The following INTS4 variants were observed in gnomAD, a reference collection of about 807,000 sequenced individuals.
INTS4 encodes integrator complex subunit 4, also known as MSTP093.
INTS4 carries 70 observed loss-of-function variants against 119.5 expected under a neutral mutation model. The ratio of observed to expected loss-of-function variants is 0.59; its 90% CI spans 0.48 to 0.71. INTS4 has a LOEUF of 0.71. Among genes scored for constraint, INTS4 ranks in the 30% least tolerant of loss-of-function variants. INTS4 has a pLI of 0.00. For synonymous variants in INTS4, 316 were observed against 419.6 expected, an observed-to-expected ratio of 0.75 and a Z score of 3.02; for missense variants, 867 against 1,173.2, an observed-to-expected ratio of 0.74 and a Z score of 3.81.
At chr11:77,900,940 A>T (rs1166054853) in intron 18 of INTS4, among the ~76,000 whole-genome samples, 1 of 152,200 alleles carries the variant, frequency 6.6e-6, no homozygotes, top group African/African-American at 2.4e-5. Flanking sequence ...TTGTACAGGG[A>T]AACAAGGTAC....
At chr11:77,925,824 T>C (rs1953485087) in intron 11 of INTS4, among the ~76,000 whole-genome samples, 1 of 152,240 alleles carries the variant, frequency 6.6e-6, no homozygotes, top group Non-Finnish European at 1.5e-5. Flanking sequence ...CAAAGCTCAC[T>C]TGTGTTTTAG....
Position 77,891,850 on chromosome 11 carries a change from C to A in INTS4, c.2289-10G>T, listed in dbSNP as rs777481067. The A allele has an allele frequency of 2.5e-6, 4 of 1,610,458 alleles. No individual in the cohort carries two copies. The South Asian group carries it at 3.3e-5, about 13-fold the overall frequency. On this transcript the variant is annotated splice_polypyrimidine_tract_variant and intron_variant, in intron 19 of 22. Coordinates refer to ENST00000534064, the MANE Select transcript of INTS4 (RefSeq NM_033547.4). ...ATCAGCGATGAAATACCTGGAGGAA[C>A]AAACAGAAGCAACTGACTCATTCAA...
At chr11:77,956,577 C>T (rs1954327235) in intron 7 of INTS4, among the ~76,000 whole-genome samples, 1 of 151,952 alleles carries the variant, frequency 6.6e-6, no homozygotes, top group South Asian at 2.1e-4. Flanking sequence ...CATGGTGACA[C>T]ATGTCTGCAA....
At chr11:77,886,919 T>C (rs1044834387) in intron 21 of INTS4, among the ~76,000 whole-genome samples, 4 of 151,564 alleles carry the variant, frequency 2.6e-5, no homozygotes, top group Non-Finnish European at 5.9e-5. Flanking sequence ...AGACACAACA[T>C]ACCAGAATCT....
chr11:77,981,375 C>T (rs866586542), intron 3 of INTS4, 84 bp downstream of exon 3: 39 of 543,090 alleles, frequency 7.2e-5, no homozygotes, highest in African/African-American at 6.4e-4. Flanking sequence ...TAACAATCAA[C>T]ACAACAAAAT....
chr11:77,878,115 C>CATTTTGGG (rs1273458117), downstream of INTS4, among the ~76,000 whole-genome samples: 1 of 152,134 alleles, frequency 6.6e-6, no homozygotes, highest in Non-Finnish European at 1.5e-5. Context: ...GTAATCCCAG[C>CATTTTGGG]ATTTTGGGAG....
chr11:77,920,291 A>G (rs1221231054), intron 14 of INTS4, among the ~76,000 whole-genome samples: 3 of 143,278 alleles, frequency 2.1e-5, no homozygotes, highest in African/African-American at 7.7e-5. Context: ...ATATATATAT[A>G]TACACACATA....
Position 77,924,905 on chromosome 11 carries a change from A to C in INTS4, c.1372-13T>G, listed in dbSNP as rs775703080. On this transcript the variant is annotated splice_polypyrimidine_tract_variant and intron_variant, in intron 11 of 22. Transcript: ENST00000534064. Reference sequence around the variant, plus strand: ...CTCTGGATGAATCCTTTTAAAAAAAAAGTAATAATAACAGTAGTTACTGTT... The same window carrying C: ...CTCTGGATGAATCCTTTTAAAAAAACAGTAATAATAACAGTAGTTACTGTT... 1 of 1,596,700 alleles carries C rather than the reference A, an allele frequency of 6.3e-7. No individual in the cohort carries two copies. Among genetic ancestry groups the C allele is most frequent in the Admixed American group, 1.7e-5 (1 of 59,306 alleles).
At chr11:77,912,696 A>T (rs1211334994) in intron 15 of INTS4, among the ~76,000 whole-genome samples, 1 of 152,242 alleles carries the variant, frequency 6.6e-6, no homozygotes, top group East Asian at 1.9e-4. Context: ...ATGTTAGGAA[A>T]TACAAAATAA....
At chr11:77,955,776 G>A (rs902832566) in intron 8 of INTS4, among the ~76,000 whole-genome samples, 166 bp downstream of exon 8, 3 of 115,400 alleles carry the variant, frequency 2.6e-5, no homozygotes, top group Non-Finnish European at 5.5e-5. Context: ...TTACAGGTGT[G>A]AGTCACCGCA....
At chr11:77,932,894 G>A (rs1320124840) in intron 10 of INTS4, among the ~76,000 whole-genome samples, 1 of 146,910 alleles carries the variant, frequency 6.8e-6, no homozygotes, top group Non-Finnish European at 1.5e-5. Context: ...TCATAAGTGG[G>A]AGGTGAACAA....
intron 18 of INTS4, among the ~76,000 whole-genome samples, chr11:77,895,046 C>T (rs1324052326): frequency 2.0e-5 from 3 of 152,096 alleles, no homozygotes; most frequent in East Asian, 1.9e-4. Flanking sequence ...ACTATTTTGG[C>T]GACAGACATA....
At chr11:77,927,352 G>A (rs1220409794) in intron 11 of INTS4, among the ~76,000 whole-genome samples, 2 of 152,152 alleles carry the variant, frequency 1.3e-5, no homozygotes, top group Non-Finnish European at 2.9e-5. Flanking sequence ...CTGAGAGAAT[G>A]GTAGGGACCT....
At chr11:77,989,132 A>G (rs115574437) in intron 2 of INTS4, among the ~76,000 whole-genome samples, 1,949 of 152,328 alleles carry the variant, frequency 0.013, 40 homozygotes, top group African/African-American at 0.045. Flanking sequence ...ACAAAAAGGT[A>G]TCCCTTTTTA....
intron 8 of INTS4, among the ~76,000 whole-genome samples, chr11:77,951,103 T>G (rs1270192423): frequency 2.0e-5 from 3 of 152,182 alleles, no homozygotes; most frequent in Non-Finnish European, 4.4e-5. Flanking sequence ...TGTGCCACAT[T>G]TTCTTAATCC....
chr11:77,972,832 T>G (rs760080008), intron 4 of INTS4, among the ~76,000 whole-genome samples: 59 of 36,812 alleles, frequency 1.6e-3, no homozygotes, highest in South Asian at 2.9e-3. Flanking sequence ...CTTTTGTGGG[T>G]TTTTTTTTTT....
At chr11:77,966,254 T>G (rs1855500963) in intron 4 of INTS4, among the ~76,000 whole-genome samples, 1 of 152,230 alleles carries the variant, frequency 6.6e-6, no homozygotes, top group Non-Finnish European at 1.5e-5. Flanking sequence ...CTATGGGTTG[T>G]CTCTTCACTT....
At position 77,928,292 on chromosome 11, in the gene INTS4, CA is replaced by C. The variant is rs573946989; in HGVS notation, c.1371+49del. On this transcript the variant is annotated intron_variant, in intron 11 of 22. Coordinates refer to ENST00000534064, the MANE Select transcript of INTS4 (RefSeq NM_033547.4). ...TGCCTAGCACAATACCTGATTTTAACAGGGGGGGGTGAGGGATGAAGAAATG... is the reference window on the plus strand; with the variant it reads ...TGCCTAGCACAATACCTGATTTTAACGGGGGGGGTGAGGGATGAAGAAATG... The C allele has an allele frequency of 2.7e-3, 4,383 of 1,594,594 alleles. 64 individuals are homozygous for C. The Admixed American group carries it at 0.038, about 14-fold the overall frequency.
intron 8 of INTS4, among the ~76,000 whole-genome samples, chr11:77,952,853 T>TA (rs1234610942): frequency 1.3e-5 from 2 of 152,308 alleles, no homozygotes; most frequent in South Asian, 2.1e-4. Context: ...CAGGTAAAGA[T>TA]ATATCATTAA....
Sources: allele counts gnomAD v4.1 joint callset (sites outside exome capture counted in the v4.1 genomes callset), GRCh38; gene constraint gnomAD v4.1.1; transcripts MANE v1.5; gene names NCBI Gene and HGNC (gene_info 2026-07-23, HGNC 2026-07-21).